The following GGNBP2 variants were observed in gnomAD, a reference collection of about 807,000 sequenced individuals.
GGNBP2 encodes gametogenetin-binding protein 2.
GGNBP2 carries 10 observed loss-of-function variants against 85.9 expected under a neutral mutation model. The ratio of observed to expected loss-of-function variants is 0.12; its 90% CI spans 0.07 to 0.20. The LOEUF is 0.20. GGNBP2 is among the 10% of genes least tolerant of loss of function. GGNBP2 has a pLI of 1.00. For missense variants in GGNBP2, 595 were observed against 857.8 expected (o/e 0.69, Z 3.83); for synonymous variants, 287 against 285.7 (o/e 1.00, Z -0.05).
chr17:36,554,251 A>T (rs1165090089), intron 2 of GGNBP2, among the ~76,000 whole-genome samples: 1 of 135,840 alleles, frequency 7.4e-6, no homozygotes, highest in African/African-American at 2.8e-5. Flanking sequence ...GGAGGTTGTG[A>T]TGAGCTTAAA....
At chr17:36,587,871 G>GT (rs1233716439) in intron 13 of GGNBP2, among the ~76,000 whole-genome samples, 2 of 152,044 alleles carry the variant, frequency 1.3e-5, no homozygotes, top group African/African-American at 4.8e-5. Flanking sequence ...TGGCGACAGA[G>GT]TGAGACTTTG....
chr17:36,575,321 G>A, intron 6 of GGNBP2: 2 of 440,378 alleles, frequency 4.5e-6, no homozygotes, highest in East Asian at 5.0e-5. Context: ...AGCATCATCT[G>A]CCATTTGGTG....
At chr17:36,565,690 G>A (rs1454269301) in intron 5 of GGNBP2, among the ~76,000 whole-genome samples, 1 of 152,162 alleles carries the variant, frequency 6.6e-6, no homozygotes, top group Non-Finnish European at 1.5e-5. Flanking sequence ...GAGGTCAGGA[G>A]TTCGCGACCA....
chr17:36,566,692 A>T (rs2074472241), intron 5 of GGNBP2, among the ~76,000 whole-genome samples: 1 of 151,890 alleles, frequency 6.6e-6, no homozygotes, highest in East Asian at 1.9e-4. Flanking sequence ...AAAAAAAAAA[A>T]ATTACCACAT....
intron 13 of GGNBP2, chr17:36,587,516 C>G: frequency 2.6e-6 from 1 of 390,422 alleles, no homozygotes. Context: ...TTCCAATAAA[C>G]CCATTATAAC....
chr17:36,579,548 A>G, intron 8 of GGNBP2, 129 bp downstream of exon 8: 1 of 767,102 alleles, frequency 1.3e-6, no homozygotes. Context: ...TTGGCTGGAT[A>G]TTGTTACATG....
At position 36,558,655 on chromosome 17, in the gene GGNBP2, T is replaced by C. The variant is rs554927374; in HGVS notation, c.428+1319T>C. On this transcript the variant is annotated intron_variant, in intron 4 of 13. Transcript: ENST00000613102. ...TTTTTTAGTAGAGACAGGGTTTCGC[T>C]ATGTTGGCCATGTTGGTCTTGAACT... Among the ~76,000 whole-genome samples the C allele has an allele frequency of 1.1e-4, 16 of 151,700 alleles. No homozygotes were observed. The South Asian group carries it at 1.9e-3, about 18-fold the overall frequency.
chr17:36,584,421 T>G (rs1339673489), intron 9 of GGNBP2, among the ~76,000 whole-genome samples: 1 of 152,184 alleles, frequency 6.6e-6, no homozygotes, highest in African/African-American at 2.4e-5. Flanking sequence ...CACTGCAGGC[T>G]CTGCCGTCCG....
intron 2 of GGNBP2, among the ~76,000 whole-genome samples, chr17:36,553,021 CAAAAAAA>C (rs56946600): frequency 2.6e-5 from 2 of 76,232 alleles, no homozygotes; most frequent in African/African-American, 1.2e-4. Flanking sequence ...GACTCTGTCT[CAAAAAAA>C]AAAAAAAAAA....
intron 2 of GGNBP2, among the ~76,000 whole-genome samples, chr17:36,552,347 G>A (rs935921549): frequency 6.6e-6 from 1 of 152,100 alleles, no homozygotes; most frequent in Non-Finnish European, 1.5e-5. Context: ...CCAATACCAG[G>A]ATTATTATTA....
intron 5 of GGNBP2, among the ~76,000 whole-genome samples, chr17:36,565,916 G>A (rs1158533036): frequency 6.6e-6 from 1 of 152,014 alleles, no homozygotes; most frequent in Admixed American, 6.6e-5. Flanking sequence ...TATCAGAGTT[G>A]AGAATAGAAG....
At chr17:36,579,477 A>T in intron 8 of GGNBP2, 58 bp downstream of exon 8, 1 of 1,462,086 alleles carries the variant, frequency 6.8e-7, no homozygotes, top group Non-Finnish European at 9.5e-7. Flanking sequence ...ATTGGACTGA[A>T]TCTTAATGTA....
rs1229632466 is a variant in GGNBP2, at chr17:36,585,208, C to T, written c.1216-92C>T. On this transcript the variant is annotated intron_variant, in intron 9 of 13. Coordinates refer to ENST00000613102, the MANE Select transcript of GGNBP2 (RefSeq NM_024835.5). ...AGTACAGTGAAAATGCCACATCTTA[C>T]TATTAGGATGAAAATAGTTTTGATC... 7 of 1,084,024 alleles carry T rather than the reference C, an allele frequency of 6.5e-6. No homozygotes were observed. The East Asian group carries it at 1.7e-4, about 26-fold the overall frequency. 67.2% of individuals were successfully genotyped at this position (1,084,024 alleles called of 1,614,324 possible).
chr17:36,548,795 A>G (rs2074280471), intron 2 of GGNBP2, among the ~76,000 whole-genome samples: 1 of 151,842 alleles, frequency 6.6e-6, no homozygotes, highest in Non-Finnish European at 1.5e-5. Flanking sequence ...ATACAAAAAA[A>G]TCAGTGGGTG....
intron 2 of GGNBP2, 93 bp downstream of exon 2, chr17:36,545,910 AAG>A: frequency 2.3e-6 from 2 of 885,264 alleles, no homozygotes; most frequent in Non-Finnish European, 3.5e-6. Context: ...GCACTGGAGA[AAG>A]AGTGTGTTGC....
chr17:36,574,688 C>G, intron 6 of GGNBP2: 1 of 631,430 alleles, frequency 1.6e-6, no homozygotes, highest in South Asian at 1.8e-5. Context: ...GTCATCAATA[C>G]CAGCCATCAT....
chr17:36,572,077 T>C (rs1338844617), intron 6 of GGNBP2, among the ~76,000 whole-genome samples: 1 of 151,932 alleles, frequency 6.6e-6, no homozygotes, highest in Non-Finnish European at 1.5e-5. Flanking sequence ...AAAAAAGTCA[T>C]ATGCAATGCT....
intron 6 of GGNBP2, among the ~76,000 whole-genome samples, chr17:36,572,165 G>A (rs1437754461): frequency 2.0e-5 from 3 of 152,032 alleles, no homozygotes; most frequent in Non-Finnish European, 4.4e-5. Flanking sequence ...GCTTATAGTT[G>A]TACAATCAAA....
At position 36,575,613 on chromosome 17, in the gene GGNBP2, CATATATATATATATATATAT is replaced by C. The variant is rs776677029; in HGVS notation, c.642-2353_642-2334del. 9.7e-4 allele frequency among the ~76,000 whole-genome samples: 65 copies of C among 66,940 alleles called. 1 individual carries two copies. Among genetic ancestry groups the C allele is most frequent in the African/African-American group, 5.4e-3 (61 of 11,396 alleles). The allele number at this position is 66,940 out of a possible 152,430, so 43.9% of individuals were successfully genotyped here. The stretch of plus-strand genomic sequence containing the variant: ...AGTGGGCTTAGAGCCTCTAATGTAA[CATATATATATATATATATAT>C]ATATATATATATATATTTTTTTTTT... On this transcript the variant is annotated intron_variant, in intron 6 of 13. Transcript: ENST00000613102.
Sources: allele counts gnomAD v4.1 joint callset (sites outside exome capture counted in the v4.1 genomes callset), GRCh38; gene constraint gnomAD v4.1.1; transcripts MANE v1.5; gene names NCBI Gene and HGNC (gene_info 2026-07-23, HGNC 2026-07-21).